ADGRL2: variants seen among roughly 807,000 people sequenced by gnomAD.
The protein encoded by ADGRL2 is calcium-independent alpha-latrotoxin receptor 2.
A neutral mutation model predicts 157.4 loss-of-function variants in ADGRL2; 44 were observed. The ratio of observed to expected loss-of-function variants is 0.28; its 90% confidence interval spans 0.22 to 0.36. The LOEUF is 0.36. ADGRL2 is among the 10% of genes least tolerant of loss of function. The pLI, the probability that ADGRL2 is intolerant of heterozygous loss-of-function variation, is 1.00. For missense variants in ADGRL2, 1,510 were observed against 1,768.9 expected (o/e 0.85, Z 2.63); for synonymous variants, 585 against 624.7 (o/e 0.94, Z 0.95).
intron 20 of ADGRL2, 73 bp from the exon 21 acceptor site, chr1:81,985,186 C>T (rs2149483961): frequency 1.2e-6 from 1 of 818,456 alleles, no homozygotes. Context: ...AGGGTAAATC[C>T]TTGTATGTCT....
At chr1:81,715,553 G>A (rs1264221666) in intron 1 of ADGRL2, among the ~76,000 whole-genome samples, 1 of 152,114 alleles carries the variant, frequency 6.6e-6, no homozygotes, top group Non-Finnish European at 1.5e-5. Context: ...AAGAAAAGGA[G>A]GCTTTTCTCA....
chr1:81,692,436 T>C (rs944795388), intron 3 of ADGRL2, among the ~76,000 whole-genome samples: 6 of 152,210 alleles, frequency 3.9e-5, no homozygotes, highest in African/African-American at 1.4e-4. Context: ...CCAACCCATC[T>C]TGACCCCGCA....
At chr1:81,382,187 T>C (rs932816010) in intron 1 of ADGRL2, among the ~76,000 whole-genome samples, 1 of 152,190 alleles carries the variant, frequency 6.6e-6, no homozygotes, top group Non-Finnish European at 1.5e-5. Context: ...AGTTAGTCTG[T>C]TGTTCACTAA....
At chr1:81,918,177 T>C (rs1455719045) in intron 3 of ADGRL2, among the ~76,000 whole-genome samples, 2 of 152,184 alleles carry the variant, frequency 1.3e-5, no homozygotes, top group African/African-American at 4.8e-5. Context: ...TTGTTACTGC[T>C]AACTATTCTG....
intron 1 of ADGRL2, among the ~76,000 whole-genome samples, chr1:81,738,015 A>G (rs1171264900): frequency 6.6e-6 from 1 of 152,206 alleles, no homozygotes; most frequent in Admixed American, 6.5e-5. Flanking sequence ...TCAAAATTTG[A>G]TAGAGTGTGG....
At chr1:81,953,771 T>C (rs1359980888) in intron 10 of ADGRL2, among the ~76,000 whole-genome samples, 1 of 152,164 alleles carries the variant, frequency 6.6e-6, no homozygotes, top group Admixed American at 6.5e-5. Context: ...GGAGTTCCTT[T>C]TGGGGAGATA....
At chr1:81,334,110 A>C (rs1470997406) in intron 1 of ADGRL2, among the ~76,000 whole-genome samples, 2 of 152,240 alleles carry the variant, frequency 1.3e-5, no homozygotes, top group African/African-American at 4.8e-5. Context: ...AGACCAACAC[A>C]GGACTTTTCC....
At chr1:81,319,114 ATT>A (rs1364925463) in intron 1 of ADGRL2, among the ~76,000 whole-genome samples, 2 of 138,026 alleles carry the variant, frequency 1.4e-5, no homozygotes, top group Non-Finnish European at 1.6e-5. Context: ...CTAATTTTGT[ATT>A]TTTTTTTTTT....
At chr1:81,763,972 C>G (rs1466469473) in intron 2 of ADGRL2, among the ~76,000 whole-genome samples, 2 of 152,062 alleles carry the variant, frequency 1.3e-5, no homozygotes, top group African/African-American at 4.8e-5. Context: ...TGCCACTGCA[C>G]TCCAACCTGG....
At chr1:81,504,965 C>A in intron 2 of ADGRL2, 1 of 323,356 alleles carries the variant, frequency 3.1e-6, no homozygotes. Flanking sequence ...TCACCTCAGT[C>A]GAGGAAGCCC....
chr1:81,340,106 A>T (rs900091947), intron 1 of ADGRL2, among the ~76,000 whole-genome samples: 2 of 152,170 alleles, frequency 1.3e-5, no homozygotes, highest in African/African-American at 4.8e-5. Context: ...AATCTGAAGA[A>T]TATGTTTTTA....
intron 2 of ADGRL2, among the ~76,000 whole-genome samples, chr1:81,567,730 T>G (rs931796829): frequency 2.3e-4 from 35 of 152,154 alleles, no homozygotes; most frequent in African/African-American, 8.0e-4. Context: ...AAATGCTTTT[T>G]ACACAAAACA....
intron 1 of ADGRL2, among the ~76,000 whole-genome samples, chr1:81,415,847 T>TG (rs1366568068): frequency 7.0e-6 from 1 of 143,404 alleles, no homozygotes; most frequent in Non-Finnish European, 1.6e-5. Context: ...CTTTTCCTTT[T>TG]TTTTTTTTTT....
intron 1 of ADGRL2, chr1:81,426,784 C>T (rs533431364): frequency 8.1e-5 from 38 of 467,194 alleles, no homozygotes; most frequent in Non-Finnish European, 1.5e-4. Context: ...AAAGATAACT[C>T]TTTCTAGAGA....
At chr1:81,656,830 C>T (rs981983397) in intron 3 of ADGRL2, among the ~76,000 whole-genome samples, 9 of 151,724 alleles carry the variant, frequency 5.9e-5, no homozygotes, top group African/African-American at 2.2e-4. Context: ...GGCAACATGG[C>T]AAAACCCTGT....
At chr1:81,696,730 C>A (rs987202374), upstream of ADGRL2, among the ~76,000 whole-genome samples, 2 of 151,714 alleles carry the variant, frequency 1.3e-5, no homozygotes, top group Non-Finnish European at 2.9e-5. Flanking sequence ...CCAGCCTGGG[C>A]GACAGAGCGA....
intron 1 of ADGRL2, among the ~76,000 whole-genome samples, chr1:81,750,079 C>T (rs1355245767): frequency 2.0e-5 from 3 of 152,276 alleles, no homozygotes; most frequent in Admixed American, 6.5e-5. Context: ...TTCAATTAAA[C>T]ATGTGATATG....
At chr1:81,732,889 G>A (rs1428782453) in intron 1 of ADGRL2, among the ~76,000 whole-genome samples, 1 of 151,992 alleles carries the variant, frequency 6.6e-6, no homozygotes, top group East Asian at 1.9e-4. Flanking sequence ...AAAAAAGAAA[G>A]ACCATAACAA....
intron 2 of ADGRL2, among the ~76,000 whole-genome samples, chr1:81,580,584 G>C (rs1438234081): frequency 6.6e-6 from 1 of 151,962 alleles, no homozygotes; most frequent in Admixed American, 6.6e-5. Flanking sequence ...TGTTAAAGGA[G>C]TATCACTCAC....
Sources: allele counts gnomAD v4.1 joint callset (sites outside exome capture counted in the v4.1 genomes callset), GRCh38; gene constraint gnomAD v4.1.1; transcripts MANE v1.5; gene names NCBI Gene and HGNC (gene_info 2026-07-23, HGNC 2026-07-21).